The following ANGPTL5 variants were observed in gnomAD, a reference collection of about 807,000 sequenced individuals.
The protein encoded by ANGPTL5 is angiopoietin like 5, also known as angiopoietin-related protein 5.
ANGPTL5 carries 34 observed loss-of-function variants against 39.4 expected under a neutral mutation model. The observed-to-expected ratio is 0.86, with a 90% CI of 0.66 to 1.15. ANGPTL5 has a LOEUF of 1.15. Ranked by LOEUF, ANGPTL5 falls within the 50% of genes most tolerant of loss-of-function variation. The pLI is 0.00. For missense variants in ANGPTL5, 467 were observed against 457.5 expected (o/e 1.02, Z -0.19); for synonymous variants, 146 against 152.1 (o/e 0.96, Z 0.29).
chr11:101,914,996 C>T (rs1940165844), intron 1 of ANGPTL5: 3 of 369,206 alleles, frequency 8.1e-6, no homozygotes, highest in East Asian at 8.6e-5. Context: ...TCCCAGGTTT[C>T]CGTTGTCAAG....
chr11:101,911,580 C>T (rs191015131), intron 1 of ANGPTL5, among the ~76,000 whole-genome samples: 1 of 152,120 alleles, frequency 6.6e-6, no homozygotes, highest in East Asian at 1.9e-4. Context: ...AAGTGTGTGG[C>T]ACCTCCCCTC....
chr11:101,908,597 G>A (rs1308095627), intron 1 of ANGPTL5, among the ~76,000 whole-genome samples: 2 of 151,966 alleles, frequency 1.3e-5, no homozygotes, highest in African/African-American at 4.8e-5. Flanking sequence ...TGGTCAACAT[G>A]GCGAAACCTC....
chr11:101,912,620 T>G (rs748627216), intron 1 of ANGPTL5, among the ~76,000 whole-genome samples: 1 of 152,238 alleles, frequency 6.6e-6, no homozygotes, highest in African/African-American at 2.4e-5. Flanking sequence ...TGTTTGAAAT[T>G]TCTTTTCTTC....
chr11:101,909,474 G>A (rs567341816), intron 1 of ANGPTL5, among the ~76,000 whole-genome samples: 2 of 152,278 alleles, frequency 1.3e-5, no homozygotes, highest in South Asian at 4.1e-4. Context: ...CAATATTGAT[G>A]ACTTTTATAA....
intron 1 of ANGPTL5, 130 bp downstream of exon 1, chr11:101,915,889 T>C (rs907769633): frequency 6.6e-6 from 1 of 152,508 alleles, no homozygotes; most frequent in African/African-American, 2.4e-5. Flanking sequence ...GTTTGGTAAG[T>C]TGTTTTGTTT....
At position 101,903,397 on chromosome 11, in the gene ANGPTL5, C is replaced by T. The variant is rs145516514; in HGVS notation, c.440-676G>A. 3.9e-5 allele frequency among the ~76,000 whole-genome samples: 6 copies of T among 152,252 alleles called. No homozygotes were observed. In the East Asian group the frequency reaches 1.2e-3, roughly 29 times the overall value. On this transcript the variant is annotated intron_variant, in intron 5 of 8. Transcript: ENST00000334289. ...TACATTTTCTGGAAGATACTCTACT[C>T]TGTAGCATCTTTTATAAGTGAAATA... is the stretch of plus-strand genomic sequence containing the variant.
intron 5 of ANGPTL5, among the ~76,000 whole-genome samples, chr11:101,903,717 A>G (rs1387666929): frequency 6.6e-6 from 1 of 152,166 alleles, no homozygotes; most frequent in Non-Finnish European, 1.5e-5. Flanking sequence ...GAGACATGAA[A>G]GAAGTTCACG....
intron 4 of ANGPTL5, 49 bp from the exon 5 acceptor site, chr11:101,904,956 C>T: frequency 7.0e-7 from 1 of 1,432,972 alleles, no homozygotes; most frequent in Non-Finnish European, 9.8e-7. Flanking sequence ...GAAGAAATTG[C>T]CATCTCTAAG....
At chr11:101,914,819 A>G (rs904494316) in intron 1 of ANGPTL5, among the ~76,000 whole-genome samples, 5 of 152,162 alleles carry the variant, frequency 3.3e-5, no homozygotes, top group African/African-American at 9.7e-5. Context: ...ATAAAAAGGG[A>G]GGCAGAACTG....
At chr11:101,901,875 A>G (rs752882071) in intron 6 of ANGPTL5, among the ~76,000 whole-genome samples, 11 of 152,058 alleles carry the variant, frequency 7.2e-5, no homozygotes, top group Non-Finnish European at 1.5e-4. Context: ...TCAATAAGGT[A>G]TAAGTATCAT....
chr11:101,900,726 C>T (rs956677469), intron 6 of ANGPTL5, among the ~76,000 whole-genome samples, 176 bp from the exon 7 acceptor site: 39 of 152,220 alleles, frequency 2.6e-4, no homozygotes, highest in Non-Finnish European at 4.1e-4. Context: ...AGAAATAATA[C>T]TGTTTATTAT....
chr11:101,891,420 A>G lies in ANGPTL5; in HGVS notation c.1026T>C (p.Asn342=). The change falls in exon 9 of 9, where the codon AAT becomes AAC. Residue 342 remains asparagine (N), a synonymous_variant. Coordinates refer to ENST00000334289, the MANE Select transcript of ANGPTL5 (RefSeq NM_178127.5). ...CAGAGAAGTGATGAATGCCATTTAG[A>G]TTTGCTAGACCACACTCGTTAAACC... The part of the protein sequence containing the change: ...GWWFNECGLA[N]LNGIHHFSGK... 1 of 1,613,998 alleles carries G rather than the reference A, an allele frequency of 6.2e-7. No homozygotes were observed. The highest frequency in any genetic ancestry group is 8.5e-7 in the Non-Finnish European group (1 of 1,179,992).
chr11:101,904,884 A>G lies in ANGPTL5; in HGVS notation c.369T>C (p.Val123=). ...SNQVNELMNR[V]LLLTTEVFRK... ...TAAAAACTTCTGTAGTCAAAAGGAGAACTCTATTCATGAGCTCGTTAACCT... is the reference window on the plus strand; with the variant it reads ...TAAAAACTTCTGTAGTCAAAAGGAGGACTCTATTCATGAGCTCGTTAACCT... Residue 123 remains valine, a synonymous_variant, in exon 5 of 9, where the codon GTT becomes GTC. Transcript: ENST00000334289. 1 of 1,613,414 alleles carries G rather than the reference A, an allele frequency of 6.2e-7. No homozygotes were observed. Among genetic ancestry groups the G allele is most frequent in the Non-Finnish European group, 8.5e-7 (1 of 1,179,484 alleles).
At chr11:101,898,850 A>G (rs1939843955) in intron 7 of ANGPTL5, among the ~76,000 whole-genome samples, 1 of 152,230 alleles carries the variant, frequency 6.6e-6, no homozygotes, top group Non-Finnish European at 1.5e-5. Flanking sequence ...AGTTTTTAAC[A>G]TGAAGGAGTG....
rs1241784902 is a variant in ANGPTL5 at position 101,909,300 on chromosome 11, T to C, written c.-92-1299A>G. Among the ~76,000 whole-genome samples the C allele has an allele frequency of 2.0e-5, 3 of 152,336 alleles. No homozygotes were observed. The South Asian group carries it at 6.2e-4, about 32-fold the overall frequency. On this transcript the variant is annotated intron_variant, in intron 1 of 8. Transcript: ENST00000334289. ...TCTCCAGTGAGACAGTATGAGATGG[T>C]TGGGAGTGCCGGCTCCAAGACCAGA...
chr11:101,901,978 CAT>C (rs549636438), intron 6 of ANGPTL5, among the ~76,000 whole-genome samples: 45 of 151,658 alleles, frequency 3.0e-4, no homozygotes, highest in Non-Finnish European at 5.7e-4. Flanking sequence ...TACACACACA[CAT>C]ATATATTCCA....
chr11:101,910,424 A>AATAT lies in ANGPTL5; in HGVS notation c.-92-2427_-92-2424dup, dbSNP rs71059523. Among the ~76,000 whole-genome samples the AATAT allele has an allele frequency of 2.4e-3, 309 of 127,186 alleles. 3 individuals carry two copies. Among genetic ancestry groups the AATAT allele is most frequent in the African/African-American group, 8.4e-3 (276 of 32,950 alleles). The allele number at this position is 127,186 out of a possible 152,430, so 83.4% of individuals were successfully genotyped here. ...AAACTCCGTCTCAAAAAAAAAAAAA[A>AATAT]ATATATATATATATATATATATTCA... On this transcript the variant is annotated intron_variant, in intron 1 of 8. Transcript: ENST00000334289.
chr11:101,897,226 TTTAAG>T (rs1415529592), intron 7 of ANGPTL5, among the ~76,000 whole-genome samples: 1 of 152,180 alleles, frequency 6.6e-6, no homozygotes, highest in East Asian at 1.9e-4. Flanking sequence ...TGTAAATTTG[TTTAAG>T]TTATTTGTAG....
At chr11:101,915,138 A>T in intron 1 of ANGPTL5, 1 of 1,213,930 alleles carries the variant, frequency 8.2e-7, no homozygotes. Context: ...CGCGGGAGCT[A>T]GGGCTGTCGA....
Sources: gnomAD v4.1 joint callset for allele counts (sites outside exome capture counted in the v4.1 genomes callset) on GRCh38, gnomAD v4.1.1 for gene constraint, MANE v1.5 for transcripts, NCBI Gene and HGNC (gene_info 2026-07-23, HGNC 2026-07-21) for gene names.